Variants in EMC3 observed in about 807,000 individuals in gnomAD.
The protein encoded by EMC3 is ER membrane protein complex subunit 3.
In EMC3, 13 loss-of-function variants were observed where a neutral mutation model predicts 36.6. The ratio of observed to expected loss-of-function variants is 0.35; its 90% CI spans 0.23 to 0.56. The LOEUF (loss-of-function observed/expected upper bound fraction) is 0.56. EMC3 is among the 20% of genes least tolerant of loss of function. The pLI is 0.84. For missense variants in EMC3, 220 were observed against 324.5 expected (o/e 0.68, Z 2.47); for synonymous variants, 120 against 111.9 (o/e 1.07, Z -0.46).
chr3:10,002,868 A>T (rs1352954188), intron 1 of EMC3: 1 of 455,890 alleles, frequency 2.2e-6, no homozygotes, highest in Admixed American at 2.4e-5. Context: ...CCCTGGCTCA[A>T]CAAGGCCCCC....
Position 9,973,617 on chromosome 3 carries a change from A to C in EMC3, c.494+11T>G. On this transcript the variant is annotated intron_variant, in intron 5 of 7. Coordinates refer to ENST00000245046, the MANE Select transcript of EMC3 (RefSeq NM_001394674.1). ...GGTTTGTGTTTTTATTAAACAAAAG[A>C]AAGTTCTTACCAGGATGCATCTAAT... is the stretch of plus-strand genomic sequence containing the variant. 1 of 1,612,910 alleles carries C rather than the reference A, an allele frequency of 6.2e-7. No individual in the cohort carries two copies. The highest frequency in any genetic ancestry group is 8.5e-7 in the Non-Finnish European group (1 of 1,178,862).
chr3:9,968,062 C>T (rs186633237), intron 7 of EMC3, among the ~76,000 whole-genome samples: 2 of 152,242 alleles, frequency 1.3e-5, no homozygotes, highest in African/African-American at 2.4e-5. Context: ...GCTGGGACTA[C>T]AGGCAGGCAC....
chr3:9,991,607 C>T (rs537002838), upstream of EMC3, among the ~76,000 whole-genome samples: 16 of 152,206 alleles, frequency 1.1e-4, 1 homozygote, highest in African/African-American at 3.9e-4. Flanking sequence ...CCTCCACCTC[C>T]TGGGCTCAAT....
intron 1 of EMC3, chr3:10,007,460 C>T: frequency 7.3e-7 from 1 of 1,367,692 alleles, no homozygotes; most frequent in South Asian, 1.1e-5. Context: ...TGCTGGGCTC[C>T]TGGCTGTCTA....
At chr3:9,980,254 TC>T (rs1429759121) in intron 1 of EMC3, among the ~76,000 whole-genome samples, 2 of 151,988 alleles carry the variant, frequency 1.3e-5, no homozygotes, top group Non-Finnish European at 2.9e-5. Flanking sequence ...CATCAGATGA[TC>T]CGCCTGCCTC....
rs898975861 is a variant in EMC3 at position 10,002,627 on chromosome 3, C to G, written c.-242+8396G>C. The G allele has an allele frequency of 2.4e-5, 9 of 371,374 alleles. No individual in the cohort carries two copies. In the East Asian group the frequency reaches 5.8e-4, roughly 24 times the overall value. The allele number at this position is 371,374 out of a possible 1,614,324, so 23.0% of individuals were successfully genotyped here. On this transcript the variant is annotated intron_variant, in intron 1 of 8. Transcript: ENST00000470827. ...ATACATAAAGACCCTGTGGCCTCCC[C>G]CTCCACCCAGAGCAACAGCAGCAGT... is the stretch of plus-strand genomic sequence containing the variant.
chr3:10,000,842 A>G, intron 1 of EMC3: 1 of 490,656 alleles, frequency 2.0e-6, no homozygotes, highest in South Asian at 1.5e-5. Flanking sequence ...TTCCGCCCGA[A>G]GAGACCTTGG....
intron 3 of EMC3, among the ~76,000 whole-genome samples, chr3:9,974,808 T>C (rs1004658511): frequency 6.6e-6 from 1 of 150,432 alleles, no homozygotes; most frequent in Non-Finnish European, 1.5e-5. Flanking sequence ...TCCGCCTGCT[T>C]CGGCCTCCCA....
chr3:9,986,667 C>A lies in EMC3; in HGVS notation c.-6G>T. ...AACAGTTCTGGCCCTGCCATCTTCA[C>A]TGAAAGCTGGTTCCCAGTCTGGAAT... On this transcript the variant is annotated 5_prime_UTR_variant, in exon 1 of 8. Coordinates refer to ENST00000245046, the MANE Select transcript of EMC3 (RefSeq NM_001394674.1). The A allele has an allele frequency of 6.2e-7, 1 of 1,613,714 alleles. No homozygotes were observed. The highest frequency in any genetic ancestry group is 8.5e-7 in the Non-Finnish European group (1 of 1,179,688).
At chr3:10,006,870 T>A (rs1288242247) in intron 1 of EMC3, 1 of 394,970 alleles carries the variant, frequency 2.5e-6, no homozygotes, top group East Asian at 8.5e-5. Flanking sequence ...TGCCAATGGC[T>A]GTGGGGAGGA....
intron 7 of EMC3, 189 bp downstream of exon 7, chr3:9,969,530 C>T: frequency 6.8e-7 from 1 of 1,472,890 alleles, no homozygotes. Context: ...GTAAAAGCAC[C>T]AAGAATTTCC....
At chr3:9,988,832 T>C, upstream of EMC3, 2 of 897,532 alleles carry the variant, frequency 2.2e-6, no homozygotes, top group East Asian at 2.5e-5. Context: ...TGTCTTTCTT[T>C]CTCCTCCCTC....
At chr3:9,994,084 T>G (rs1345176522) in intron 1 of EMC3, 10 of 1,156,604 alleles carry the variant, frequency 8.6e-6, no homozygotes, top group Non-Finnish European at 1.1e-5. Flanking sequence ...AAATGAGAGT[T>G]GGGGAAGAGA....
rs371159174 is a variant in EMC3 at position 10,007,519 on chromosome 3, T to C, written c.-242+3504A>G. ...CGATGGTTTCTTCTTTTGATAACAG[T>C]GGCATGAAGCGCTCCCCCTCAGAGG... On this transcript the variant is annotated intron_variant, in intron 1 of 8. Coordinates refer to the EMC3 transcript ENST00000470827. 1.5e-5 allele frequency: 20 copies of C among 1,367,496 alleles called. No homozygotes were observed. In the African/African-American group the frequency reaches 2.7e-4, roughly 18 times the overall value. 84.7% of individuals were successfully genotyped at this position (1,367,496 alleles called of 1,614,324 possible). A position where few individuals can be genotyped will look rare whatever the true frequency, so the allele number is the denominator to read the frequency against.
upstream of EMC3, chr3:9,986,859 G>C: frequency 7.3e-7 from 1 of 1,375,818 alleles, no homozygotes; most frequent in Non-Finnish European, 9.4e-7. Context: ...GAACGTTGAC[G>C]TCACGTCGTG....
At chr3:9,976,875 ACACC>A (rs2085855593) in intron 3 of EMC3, 78 bp downstream of exon 3, 1 of 921,874 alleles carries the variant, frequency 1.1e-6, no homozygotes, top group African/African-American at 1.7e-5. Context: ...AAATAAAATG[ACACC>A]CTCCCTGCCT....
intron 1 of EMC3, chr3:9,992,739 T>C: frequency 1.6e-6 from 1 of 633,080 alleles, no homozygotes; most frequent in Non-Finnish European, 2.8e-6. Context: ...TTGTGAAAAG[T>C]GTAGATACTA....
intron 1 of EMC3, among the ~76,000 whole-genome samples, chr3:9,992,189 C>T (rs2086061912): frequency 6.6e-6 from 1 of 152,112 alleles, no homozygotes; most frequent in African/African-American, 2.4e-5. Flanking sequence ...GGCACAATCT[C>T]GGCTCATTGC....
intron 1 of EMC3, among the ~76,000 whole-genome samples, chr3:9,997,708 C>T (rs1171875444): frequency 6.6e-6 from 1 of 152,164 alleles, no homozygotes; most frequent in Non-Finnish European, 1.5e-5. Flanking sequence ...AATCCACCCT[C>T]CTCGGCCTCC....
Sources: allele counts gnomAD v4.1 joint callset (sites outside exome capture counted in the v4.1 genomes callset), GRCh38; gene constraint gnomAD v4.1.1; transcripts MANE v1.5; gene names NCBI Gene and HGNC (gene_info 2026-07-23, HGNC 2026-07-21).